DNAH6: variants seen among roughly 807,000 people sequenced by gnomAD.
The protein encoded by DNAH6 is axonemal beta dynein heavy chain 6.
Under a neutral mutation model 491.4 loss-of-function variants are expected in DNAH6, and 340 were observed. That is an observed-to-expected ratio of 0.69 (90% CI 0.63 to 0.76). DNAH6 has a LOEUF of 0.76. Ranked by LOEUF, DNAH6 falls within the 30% of genes least tolerant of loss-of-function variation. The probability of loss-of-function intolerance (pLI) is 0.00; values close to 1 mark genes in which losing one functional copy is unlikely to be tolerated. For missense variants in DNAH6, 4,443 were observed against 4,972.2 expected (o/e 0.89, Z 3.20); for synonymous variants, 1,603 against 1,686.1 (o/e 0.95, Z 1.21).
At chr2:84,615,098 C>T (rs1686714654) in intron 22 of DNAH6, among the ~76,000 whole-genome samples, 1 of 152,002 alleles carries the variant, frequency 6.6e-6, no homozygotes, top group Non-Finnish European at 1.5e-5. Flanking sequence ...GGGTTTTGGT[C>T]ATGAAGTTCT....
chr2:84,705,027 C>T (rs1444876915), intron 51 of DNAH6, among the ~76,000 whole-genome samples: 2 of 152,068 alleles, frequency 1.3e-5, no homozygotes, highest in Non-Finnish European at 2.9e-5. Flanking sequence ...AATCGTTGAA[C>T]ATTTTTTATC....
intron 46 of DNAH6, among the ~76,000 whole-genome samples, chr2:84,695,088 T>A (rs58618824): frequency 1.8e-3 from 280 of 152,154 alleles, no homozygotes; most frequent in African/African-American, 6.3e-3. Context: ...AAAGAAAAAA[T>A]TGGAAAAATA....
intron 55 of DNAH6, among the ~76,000 whole-genome samples, chr2:84,709,793 CCATT>C (rs1170881153): frequency 1.3e-5 from 2 of 152,124 alleles, no homozygotes; most frequent in African/African-American, 4.8e-5. Context: ...AGGGGAATGA[CCATT>C]CATTTTTTGT....
intron 20 of DNAH6, among the ~76,000 whole-genome samples, 171 bp downstream of exon 20, chr2:84,605,763 G>A (rs1027249171): frequency 6.6e-6 from 1 of 152,156 alleles, no homozygotes; most frequent in Non-Finnish European, 1.5e-5. Context: ...GCTTGTACGT[G>A]AAATATTTAA....
chr2:84,518,942 G>T (rs536742619), intron 2 of DNAH6, among the ~76,000 whole-genome samples: 1 of 152,262 alleles, frequency 6.6e-6, no homozygotes, highest in East Asian at 1.9e-4. Flanking sequence ...AGCACTTTGG[G>T]AGGCAAAGGG....
intron 29 of DNAH6, among the ~76,000 whole-genome samples, chr2:84,633,085 T>C (rs557600312): frequency 1.3e-5 from 2 of 152,186 alleles, no homozygotes; most frequent in African/African-American, 4.8e-5. Context: ...GGCTTCTTCA[T>C]AGAATGTATG....
Position 84,670,321 on chromosome 2 carries a change from A to G in DNAH6, c.6307-7A>G. The stretch of plus-strand genomic sequence containing the variant: ...ATGTGACATTAATTAACTTATTTTA[A>G]TTTAAGTCTGTGATTGCAAAAGGAT... On this transcript the variant is annotated splice_region_variant and splice_polypyrimidine_tract_variant and intron_variant, in intron 38 of 76. Transcript: ENST00000389394. 2 of 1,508,242 alleles carry G rather than the reference A, an allele frequency of 1.3e-6. No homozygotes were observed. The highest frequency in any genetic ancestry group is 8.9e-7 in the Non-Finnish European group (1 of 1,117,638). The allele number at this position is 1,508,242 out of a possible 1,614,324, so 93.4% of individuals were successfully genotyped here. A position where few individuals can be genotyped will look rare whatever the true frequency, so the allele number is the denominator to read the frequency against.
At chr2:84,714,803 A>G (rs1456001937) in intron 57 of DNAH6, among the ~76,000 whole-genome samples, 8 of 151,510 alleles carry the variant, frequency 5.3e-5, no homozygotes, top group Non-Finnish European at 2.9e-5. Context: ...CAGGAACCTC[A>G]CGTCAATCAT....
At chr2:84,647,052 G>C (rs559076949) in intron 33 of DNAH6, among the ~76,000 whole-genome samples, 2 of 152,138 alleles carry the variant, frequency 1.3e-5, no homozygotes, top group Admixed American at 1.3e-4. Flanking sequence ...TCACCATGTT[G>C]GCCAGGCTGA....
chr2:84,773,876 A>G (rs577457822), intron 64 of DNAH6, among the ~76,000 whole-genome samples: 3 of 152,144 alleles, frequency 2.0e-5, no homozygotes, highest in Non-Finnish European at 4.4e-5. Context: ...GGACGCCTGT[A>G]TGTCTTCTTT....
In DNAH6 at chr2:84,701,663, G is replaced by A. The variant is rs191064336; in HGVS notation, c.8061+324G>A. On this transcript the variant is annotated intron_variant, in intron 49 of 76. Transcript: ENST00000389394. ...GAGCAGGAGCAAGAGAGAGAGGGGG[G>A]TGGTGCCACACACTTTTAAACACCA... Among the ~76,000 whole-genome samples the A allele has an allele frequency of 2.7e-4, 41 of 152,204 alleles. No homozygotes were observed. The South Asian group carries it at 6.2e-3, about 23-fold the overall frequency.
intron 29 of DNAH6, among the ~76,000 whole-genome samples, chr2:84,626,691 C>T (rs1018403769): frequency 2.0e-5 from 3 of 152,186 alleles, no homozygotes; most frequent in Non-Finnish European, 4.4e-5. Flanking sequence ...CAACCTCTGC[C>T]TCCCGGGTTC....
At chr2:84,510,404 G>A in the DNAH6 span, among the ~76,000 whole-genome samples, 4,371 of 152,210 alleles carry the variant, frequency 0.029, 198 homozygotes, top group African/African-American at 0.1. Context: ...CGTAGTTCTC[G>A]TGCCTTGGTT....
intron 62 of DNAH6, among the ~76,000 whole-genome samples, chr2:84,740,858 A>G (rs1193809899): frequency 1.3e-5 from 2 of 152,024 alleles, no homozygotes. Flanking sequence ...TCCACCACCT[A>G]CTACTGGGGC....
chr2:84,775,076 C>T (rs1675995759), intron 64 of DNAH6, among the ~76,000 whole-genome samples: 1 of 152,100 alleles, frequency 6.6e-6, no homozygotes, highest in African/African-American at 2.4e-5. Flanking sequence ...GAATCCTTGT[C>T]TTGTTCCAGT....
At chr2:84,641,434 A>G (rs1689386561) in intron 32 of DNAH6, among the ~76,000 whole-genome samples, 1 of 152,144 alleles carries the variant, frequency 6.6e-6, no homozygotes, top group Non-Finnish European at 1.5e-5. Flanking sequence ...GAGCACAACT[A>G]CAGTCCAGTG....
intron 33 of DNAH6, among the ~76,000 whole-genome samples, chr2:84,643,121 T>C (rs1490700431): frequency 6.6e-6 from 1 of 152,072 alleles, no homozygotes; most frequent in Non-Finnish European, 1.5e-5. Flanking sequence ...TCTCCTTCAC[T>C]TTTGAAGGAT....
intron 48 of DNAH6, among the ~76,000 whole-genome samples, chr2:84,700,370 G>A (rs1558928910): frequency 6.6e-6 from 1 of 152,168 alleles, no homozygotes; most frequent in Admixed American, 6.5e-5. Context: ...GTAGGAAGAT[G>A]TGGGGGTAAG....
At chr2:84,597,513 C>T (rs922587699) in intron 18 of DNAH6, among the ~76,000 whole-genome samples, 9 of 152,140 alleles carry the variant, frequency 5.9e-5, no homozygotes, top group Non-Finnish European at 8.8e-5. Flanking sequence ...CTGGTAGGAT[C>T]GTAAGGTTGT....
Sources: allele counts gnomAD v4.1 joint callset (sites outside exome capture counted in the v4.1 genomes callset), GRCh38; gene constraint gnomAD v4.1.1; transcripts MANE v1.5; gene names NCBI Gene and HGNC (gene_info 2026-07-23, HGNC 2026-07-21).